Variants in CFAP52 observed in about 807,000 individuals in gnomAD.
CFAP52 encodes cilia- and flagella-associated protein 52.
In CFAP52, 57 loss-of-function variants were observed where a neutral mutation model predicts 70.5. The observed-to-expected ratio is 0.81, with a 90% CI of 0.65 to 1.01. The LOEUF (loss-of-function observed/expected upper bound fraction) is 1.01, where lower values mean the gene tolerates loss of function less well. Ranked by LOEUF, CFAP52 falls within the 50% of genes least tolerant of loss-of-function variation. The pLI is 0.00. For missense variants in CFAP52, 785 were observed against 788.5 expected (o/e 1.00, Z 0.05); for synonymous variants, 267 against 292.5 (o/e 0.91, Z 0.89).
intron 3 of CFAP52, among the ~76,000 whole-genome samples, chr17:9,591,516 A>G (rs1908760863): frequency 6.6e-6 from 1 of 152,180 alleles, no homozygotes; most frequent in African/African-American, 2.4e-5. Context: ...TCCATTGTAC[A>G]GATGTGCTGG....
chr17:9,585,639 C>T lies in CFAP52; in HGVS notation c.71-134C>T, dbSNP rs926978414. 1.1e-4 allele frequency: 100 copies of T among 903,800 alleles called. 1 individual carries two copies. The South Asian group carries it at 1.4e-3, about 13-fold the overall frequency. 56.0% of individuals were successfully genotyped at this position (903,800 alleles called of 1,614,324 possible). A position where few individuals can be genotyped will look rare whatever the true frequency, so the allele number is the denominator to read the frequency against. On this transcript the variant is annotated intron_variant, in intron 1 of 13. Transcript: ENST00000352665. ...TGAGCCCAAGACTGCACCATTGCAC[C>T]CCAGGCTGGGTGACAAGTGCAAGAC...
At chr17:9,636,191 G>GAAAGA (rs1910778691) in intron 11 of CFAP52, among the ~76,000 whole-genome samples, 1 of 82,238 alleles carries the variant, frequency 1.2e-5, no homozygotes, top group Non-Finnish European at 2.2e-5. Flanking sequence ...AAGAAAGAAA[G>GAAAGA]AAAGAAAGAA....
At chr17:9,623,627 C>G (rs1197487895) in intron 8 of CFAP52, among the ~76,000 whole-genome samples, 1 of 152,052 alleles carries the variant, frequency 6.6e-6, no homozygotes, top group Non-Finnish European at 1.5e-5. Context: ...TCTAAGTTGT[C>G]ATCTGTTACC....
chr17:9,598,169 G>A, intron 4 of CFAP52, 65 bp from the exon 5 acceptor site: 2 of 1,274,816 alleles, frequency 1.6e-6, no homozygotes, highest in Non-Finnish European at 2.2e-6. Context: ...TCAGTTTCAG[G>A]GATGAAGTGA....
At position 9,576,708 on chromosome 17, in the gene CFAP52, A is replaced by G; in HGVS notation, c.13A>G (p.Ile5Val). 6.2e-7 allele frequency: 1 copy of G among 1,612,126 alleles called. No homozygotes were observed. The highest frequency in any genetic ancestry group is 8.5e-7 in the Non-Finnish European group (1 of 1,179,076). Residue 5 changes from isoleucine to valine, a missense_variant, in exon 1 of 14, where the codon ATT becomes GTT. Transcript: ENST00000352665. ...GAACCTCCCAAGGATGGATAACAAA[A>G]TTTCGCCGGAGGCCCAAGTGGCGGA... MDNK[I>V]SPEAQVAELE...
At chr17:9,628,468 C>T (rs540718330) in intron 8 of CFAP52, among the ~76,000 whole-genome samples, 6 of 152,002 alleles carry the variant, frequency 3.9e-5, no homozygotes, top group Admixed American at 2.0e-4. Flanking sequence ...TTAGTAGAAA[C>T]GGGGTTTCAC....
chr17:9,598,767 A>AAAAAAAAG (rs1190285366), intron 5 of CFAP52, among the ~76,000 whole-genome samples: 39 of 151,416 alleles, frequency 2.6e-4, no homozygotes, highest in African/African-American at 9.4e-4. Context: ...TTTCAAAAAA[A>AAAAAAAAG]AAAGAAGAAA....
rs779586425 is a variant in CFAP52 at position 9,576,749 on chromosome 17, C to A, written c.54C>A (p.Ala18=). 1.2e-6 allele frequency: 2 copies of A among 1,612,176 alleles called. No homozygotes were observed. Among genetic ancestry groups the A allele is most frequent in the East Asian group, 4.5e-5 (2 of 44,682 alleles). The change falls in exon 1 of 14, where the codon GCC becomes GCA. Residue 18 remains alanine (A), a synonymous_variant. Coordinates refer to ENST00000352665, the MANE Select transcript of CFAP52 (RefSeq NM_145054.5). The part of the protein sequence containing the change: ...EAQVAELELD[A]VIGFNGHVPT... ...AAGTGGCGGAGCTGGAACTTGACGC[C>A]GTGATCGGCTTCAATGGTGAGGCCT...
At chr17:9,636,266 C>G (rs1221243238) in intron 11 of CFAP52, among the ~76,000 whole-genome samples, 1 of 149,922 alleles carries the variant, frequency 6.7e-6, no homozygotes, top group Non-Finnish European at 1.5e-5. Flanking sequence ...AGAAAAATAA[C>G]TAATGCAGGC....
intron 1 of CFAP52, among the ~76,000 whole-genome samples, chr17:9,577,582 A>T (rs1201340373): frequency 6.6e-6 from 1 of 152,226 alleles, no homozygotes; most frequent in East Asian, 1.9e-4. Context: ...GTGGATGCAG[A>T]ACAATCACTG....
At position 9,579,332 on chromosome 17, in the gene CFAP52, G is replaced by A. The variant is rs78027461; in HGVS notation, c.70+2567G>A. On this transcript the variant is annotated intron_variant, in intron 1 of 13. Coordinates refer to ENST00000352665, the MANE Select transcript of CFAP52 (RefSeq NM_145054.5). ...TTTCGGGTTACAGCAATAGCGGGGGGCAGAGGAGGAAAAGTGGAGAGTGCA... is the reference window on the plus strand; with the variant it reads ...TTTCGGGTTACAGCAATAGCGGGGGACAGAGGAGGAAAAGTGGAGAGTGCA... 5.5e-3 allele frequency among the ~76,000 whole-genome samples: 837 copies of A among 152,242 alleles called. 5 individuals are homozygous for A. The highest frequency in any genetic ancestry group is 0.02 in the Middle Eastern group (6 of 294).
chr17:9,623,295 C>T (rs1567632004), intron 8 of CFAP52, among the ~76,000 whole-genome samples: 1 of 151,944 alleles, frequency 6.6e-6, no homozygotes, highest in Non-Finnish European at 1.5e-5. Flanking sequence ...TCTTTTTTAA[C>T]CCTTTTATTT....
intron 8 of CFAP52, among the ~76,000 whole-genome samples, chr17:9,621,995 A>C (rs915013161): frequency 2.3e-4 from 35 of 152,014 alleles, no homozygotes; most frequent in African/African-American, 8.0e-4. Flanking sequence ...CCTAAAACTT[A>C]GAGTATAATA....
chr17:9,585,052 C>T (rs1478694212), intron 1 of CFAP52, among the ~76,000 whole-genome samples: 2 of 152,102 alleles, frequency 1.3e-5, no homozygotes, highest in African/African-American at 4.8e-5. Flanking sequence ...CCAACCTTTG[C>T]CTGAGGTAGT....
intron 3 of CFAP52, among the ~76,000 whole-genome samples, chr17:9,593,013 A>C (rs191105516): frequency 8.5e-5 from 13 of 152,270 alleles, no homozygotes; most frequent in African/African-American, 3.1e-4. Flanking sequence ...ATTTATGGCT[A>C]TTATATGACT....
At position 9,626,840 on chromosome 17, in the gene CFAP52, T is replaced by A. The variant is rs189749485; in HGVS notation, c.1026-1832T>A. Reference sequence around the variant, plus strand: ...CCAAGCATTAAATGTGTGGAAGGGATCCACTTATTTTTTGTTTTAATTCTA... The same window carrying A: ...CCAAGCATTAAATGTGTGGAAGGGAACCACTTATTTTTTGTTTTAATTCTA... On this transcript the variant is annotated intron_variant, in intron 8 of 13. Transcript: ENST00000352665. Among the ~76,000 whole-genome samples the A allele has an allele frequency of 1.7e-4, 26 of 152,288 alleles. No individual in the cohort carries two copies. The East Asian group carries it at 4.4e-3, about 26-fold the overall frequency.
At chr17:9,610,996 G>A (rs1909692493) in intron 7 of CFAP52, among the ~76,000 whole-genome samples, 1 of 152,218 alleles carries the variant, frequency 6.6e-6, no homozygotes. Flanking sequence ...TTCTGTGGTT[G>A]AGTAAACTGA....
intron 12 of CFAP52, among the ~76,000 whole-genome samples, chr17:9,639,538 G>T (rs1910965761): frequency 2.0e-5 from 3 of 152,300 alleles, no homozygotes; most frequent in Middle Eastern, 3.4e-3. Flanking sequence ...CAAGCAAGGG[G>T]TCCCTGCTCT....
At chr17:9,578,702 C>A (rs570234046) in intron 1 of CFAP52, among the ~76,000 whole-genome samples, 1 of 152,220 alleles carries the variant, frequency 6.6e-6, no homozygotes, top group African/African-American at 2.4e-5. Context: ...CCCACCACCA[C>A]GCCTGGCTAA....
Sources: gnomAD v4.1 joint callset for allele counts (sites outside exome capture counted in the v4.1 genomes callset) on GRCh38, gnomAD v4.1.1 for gene constraint, MANE v1.5 for transcripts, NCBI Gene and HGNC (gene_info 2026-07-23, HGNC 2026-07-21) for gene names.